The following CGGBP1 variants were observed in gnomAD, a reference collection of about 807,000 sequenced individuals.
CGGBP1 encodes the protein CGG triplet repeat binding protein 1, also known as CGG triplet repeat-binding protein 1.
Under a neutral mutation model 11.4 loss-of-function variants are expected in CGGBP1, and 4 were observed. The observed-to-expected ratio is 0.35, with a 90% CI of 0.17 to 0.80. CGGBP1 has a LOEUF of 0.80. Among genes scored for constraint, CGGBP1 ranks in the 30% least tolerant of loss-of-function variants. The pLI is 0.52. For synonymous variants in CGGBP1, 76 were observed against 74.1 expected, an observed-to-expected ratio of 1.03 and a Z score of -0.13; for missense variants, 135 against 202.1, an observed-to-expected ratio of 0.67 and a Z score of 2.01.
chr3:88,062,946 G>A (rs571911577), upstream of CGGBP1, among the ~76,000 whole-genome samples: 215 of 152,256 alleles, frequency 1.4e-3, 1 homozygote, highest in African/African-American at 5.1e-3. Context: ...TTTGTGTTTC[G>A]CAGTAAACTT....
chr3:88,105,039 CTG>C (rs1238742113), intron 2 of CGGBP1, among the ~76,000 whole-genome samples: 1 of 152,174 alleles, frequency 6.6e-6, no homozygotes, highest in African/African-American at 2.4e-5. Context: ...ACTCGGGAGA[CTG>C]AGGCAGAAGA....
chr3:88,125,481 A>G (rs1260925771), intron 2 of CGGBP1, among the ~76,000 whole-genome samples: 1 of 144,434 alleles, frequency 6.9e-6, no homozygotes, highest in Non-Finnish European at 1.5e-5. Context: ...ACTATTGCCC[A>G]ACTTAACAAT....
intron 2 of CGGBP1, among the ~76,000 whole-genome samples, chr3:88,089,335 C>A (rs1407821165): frequency 6.6e-6 from 1 of 150,760 alleles, no homozygotes; most frequent in Non-Finnish European, 1.5e-5. Flanking sequence ...ACTAAAAATA[C>A]AAAAAATTAG....
At chr3:88,077,851 T>C (rs1707896333) in intron 2 of CGGBP1, among the ~76,000 whole-genome samples, 1 of 152,302 alleles carries the variant, frequency 6.6e-6, no homozygotes, top group African/African-American at 2.4e-5. Flanking sequence ...AAGGTTGTTT[T>C]TTAGTGTAGA....
At chr3:88,095,910 A>G in intron 2 of CGGBP1, 1 of 411,250 alleles carries the variant, frequency 2.4e-6, no homozygotes, top group South Asian at 2.0e-5. Context: ...CACCTTCTCC[A>G]CAGTCTACTC....
At chr3:88,135,151 A>T in intron 2 of CGGBP1, 8 of 1,492,640 alleles carry the variant, frequency 5.4e-6, no homozygotes, top group Non-Finnish European at 7.1e-6. Context: ...TTTTAAGAAC[A>T]GCAACTAATG....
At chr3:88,132,008 T>TTAA (rs1397838970) in intron 2 of CGGBP1, among the ~76,000 whole-genome samples, 2 of 152,088 alleles carry the variant, frequency 1.3e-5, no homozygotes, top group Non-Finnish European at 2.9e-5. Context: ...TTCACAATCA[T>TTAA]TAATAATAAT....
intron 2 of CGGBP1, among the ~76,000 whole-genome samples, chr3:88,120,513 G>A (rs1705702330): frequency 6.6e-6 from 1 of 152,104 alleles, no homozygotes; most frequent in South Asian, 2.1e-4. Flanking sequence ...AAATGGCAAG[G>A]AAGAAGCAAA....
chr3:88,129,337 A>C (rs1188507089), intron 2 of CGGBP1, among the ~76,000 whole-genome samples: 1 of 150,920 alleles, frequency 6.6e-6, no homozygotes, highest in Non-Finnish European at 1.5e-5. Context: ...AAAAAAAAAA[A>C]AAAAAAAACC....
chr3:88,097,716 C>T (rs1053174852), intron 2 of CGGBP1, among the ~76,000 whole-genome samples: 4 of 152,102 alleles, frequency 2.6e-5, no homozygotes, highest in Non-Finnish European at 4.4e-5. Context: ...ACTGAACAAC[C>T]GGCTCCTGAA....
At chr3:88,070,230 C>G (rs1042206299) in intron 2 of CGGBP1, among the ~76,000 whole-genome samples, 6 of 152,036 alleles carry the variant, frequency 3.9e-5, no homozygotes, top group Admixed American at 3.3e-4. Context: ...GGACACAATA[C>G]TATTCTTCAT....
intron 2 of CGGBP1, among the ~76,000 whole-genome samples, chr3:88,082,453 T>G (rs1414076248): frequency 1.3e-5 from 2 of 152,304 alleles, no homozygotes; most frequent in Non-Finnish European, 2.9e-5. Flanking sequence ...AGTGGCTGGA[T>G]TCGCTGTAAA....
intron 2 of CGGBP1, chr3:88,128,843 C>T: frequency 6.5e-7 from 1 of 1,535,332 alleles, no homozygotes; most frequent in African/African-American, 1.4e-5. Flanking sequence ...ATCCACTGTT[C>T]TTTGAACTAC....
chr3:88,116,218 A>G (rs145396971), intron 2 of CGGBP1, among the ~76,000 whole-genome samples: 1 of 152,180 alleles, frequency 6.6e-6, no homozygotes, highest in African/African-American at 2.4e-5. Context: ...TTTTATACCC[A>G]CATTAAAAAT....
intron 2 of CGGBP1, among the ~76,000 whole-genome samples, chr3:88,065,182 C>T (rs1413343252): frequency 1.3e-5 from 2 of 151,988 alleles, no homozygotes; most frequent in Admixed American, 1.3e-4. Flanking sequence ...AGGTGAATTC[C>T]CTGGAAAGAC....
chr3:88,108,102 A>G (rs976653520), intron 2 of CGGBP1, among the ~76,000 whole-genome samples: 1 of 152,104 alleles, frequency 6.6e-6, no homozygotes, highest in Non-Finnish European at 1.5e-5. Context: ...AGATATTACT[A>G]GCTTGGGACC....
intron 2 of CGGBP1, among the ~76,000 whole-genome samples, chr3:88,133,255 T>C (rs1292321448): frequency 6.6e-6 from 1 of 152,152 alleles, no homozygotes; most frequent in Non-Finnish European, 1.5e-5. Context: ...TAGAAAAGCA[T>C]GGCTCATTGA....
At chr3:88,126,074 A>G in intron 2 of CGGBP1, 3 of 1,372,356 alleles carry the variant, frequency 2.2e-6, no homozygotes. Flanking sequence ...GACAATGATG[A>G]TCAAGTTTAG....
intron 2 of CGGBP1, among the ~76,000 whole-genome samples, chr3:88,091,318 CACT>C (rs1380024642): frequency 6.6e-6 from 1 of 152,172 alleles, no homozygotes; most frequent in East Asian, 1.9e-4. Flanking sequence ...TAAATAATCA[CACT>C]ACAAGGAAAA....
Sources: gnomAD v4.1 joint callset for allele counts (sites outside exome capture counted in the v4.1 genomes callset) on GRCh38, gnomAD v4.1.1 for gene constraint, MANE v1.5 for transcripts, NCBI Gene and HGNC (gene_info 2026-07-23, HGNC 2026-07-21) for gene names.